The following RBFOX1 variants were observed in gnomAD, a reference collection of about 807,000 sequenced individuals.
RBFOX1 encodes RNA binding fox-1 homolog 1.
Under a neutral mutation model 57.7 loss-of-function variants are expected in RBFOX1, and 8 were observed. The ratio of observed to expected loss-of-function variants is 0.14; its 90% CI spans 0.08 to 0.25. The LOEUF is 0.25. Among genes scored for constraint, RBFOX1 ranks in the 10% least tolerant of loss-of-function variants. The pLI is 1.00. For synonymous variants in RBFOX1, 326 were observed against 222.4 expected (o/e 1.47, Z -4.15); for missense variants, 611 against 548.5 (o/e 1.11, Z -1.14).
At chr16:6,979,138 C>T (rs1305620346) in intron 3 of RBFOX1, among the ~76,000 whole-genome samples, 1 of 152,132 alleles carries the variant, frequency 6.6e-6, no homozygotes, top group Non-Finnish European at 1.5e-5. Context: ...AAAAATCAGA[C>T]CTGAATTCAA....
chr16:6,399,853 C>T (rs1282094572), intron 2 of RBFOX1, among the ~76,000 whole-genome samples: 2 of 152,216 alleles, frequency 1.3e-5, no homozygotes, highest in Non-Finnish European at 2.9e-5. Flanking sequence ...GAAGACACCT[C>T]TTCACAGGGC....
At chr16:6,101,825 C>A (rs1465055844) in intron 1 of RBFOX1, among the ~76,000 whole-genome samples, 1 of 152,194 alleles carries the variant, frequency 6.6e-6, no homozygotes, top group African/African-American at 2.4e-5. Context: ...CACATATCCA[C>A]AGCTGCCCTT....
At chr16:7,131,581 T>G (rs1254116954) in intron 4 of RBFOX1, among the ~76,000 whole-genome samples, 1 of 151,740 alleles carries the variant, frequency 6.6e-6, no homozygotes, top group Admixed American at 6.6e-5. Context: ...CATGTTCATT[T>G]GACTCTGAAC....
intron 4 of RBFOX1, among the ~76,000 whole-genome samples, chr16:7,400,228 C>T (rs1234187553): frequency 1.3e-5 from 2 of 152,244 alleles, no homozygotes; most frequent in South Asian, 2.1e-4. Flanking sequence ...GTTAAAATTG[C>T]ACCTTCCCCA....
chr16:6,406,831 A>T (rs2093297779), intron 2 of RBFOX1, among the ~76,000 whole-genome samples: 1 of 152,122 alleles, frequency 6.6e-6, no homozygotes, highest in Admixed American at 6.6e-5. Flanking sequence ...AGACCAACTG[A>T]TGTTAGAAAT....
chr16:7,371,687 T>C (rs2097569185), intron 4 of RBFOX1, among the ~76,000 whole-genome samples: 1 of 152,030 alleles, frequency 6.6e-6, no homozygotes, highest in African/African-American at 2.4e-5. Context: ...GGGGCGGAGG[T>C]TGCAGTGAGC....
intron 3 of RBFOX1, among the ~76,000 whole-genome samples, chr16:7,030,176 G>T (rs985054959): frequency 5.3e-5 from 8 of 152,182 alleles, no homozygotes; most frequent in Non-Finnish European, 8.8e-5. Flanking sequence ...TCTGAGATAT[G>T]TCCTGATGGC....
chr16:6,392,105 C>A (rs2092630806), intron 2 of RBFOX1, among the ~76,000 whole-genome samples: 1 of 152,100 alleles, frequency 6.6e-6, no homozygotes, highest in African/African-American at 2.4e-5. Context: ...AAAATTATGC[C>A]CAGAGTGACT....
chr16:7,555,098 G>A (rs1338655211), intron 5 of RBFOX1, among the ~76,000 whole-genome samples: 3 of 152,102 alleles, frequency 2.0e-5, no homozygotes, highest in Admixed American at 2.0e-4. Flanking sequence ...AGGGTAAGGG[G>A]GGGTTTTTAG....
chr16:5,866,206 T>C (rs560138993), intron 3 of RBFOX1, among the ~76,000 whole-genome samples: 1 of 152,336 alleles, frequency 6.6e-6, no homozygotes, highest in East Asian at 1.9e-4. Flanking sequence ...TGACCTCACA[T>C]GATCCACCTA....
rs141422762 is a variant in RBFOX1, at chr16:6,903,548, A to G, written c.-15-148509A>G. On this transcript the variant is annotated intron_variant, in intron 3 of 15. Transcript: ENST00000550418. Reference sequence around the variant, plus strand: ...GCACTTCAATAGGATGTGAGCTCGGAGTGAGTTCCAGAAAGGTGCCCCGCA... The same window carrying G: ...GCACTTCAATAGGATGTGAGCTCGGGGTGAGTTCCAGAAAGGTGCCCCGCA... 9.5e-3 allele frequency among the ~76,000 whole-genome samples: 1,454 copies of G among 152,308 alleles called. 9 individuals carry two copies. The highest frequency in any genetic ancestry group is 0.015 in the Non-Finnish European group (1,017 of 68,030).
intron 4 of RBFOX1, among the ~76,000 whole-genome samples, chr16:7,091,234 A>G (rs748158581): frequency 1.3e-5 from 2 of 151,426 alleles, no homozygotes; most frequent in Non-Finnish European, 2.9e-5. Flanking sequence ...TTTTACTTTA[A>G]GTTAAAATAC....
chr16:5,398,319 G>A (rs555285979), intron 1 of RBFOX1, among the ~76,000 whole-genome samples: 6 of 152,186 alleles, frequency 3.9e-5, no homozygotes, highest in South Asian at 4.2e-4. Flanking sequence ...ATGTGTGCTC[G>A]TGTGCATATG....
At chr16:7,070,318 T>C (rs1398199062) in intron 4 of RBFOX1, among the ~76,000 whole-genome samples, 2 of 152,222 alleles carry the variant, frequency 1.3e-5, no homozygotes, top group East Asian at 3.9e-4. Flanking sequence ...TTTAACAATA[T>C]AGATGCTTTC....
intron 4 of RBFOX1, among the ~76,000 whole-genome samples, chr16:7,055,427 C>T (rs369305949): frequency 2.0e-5 from 3 of 152,274 alleles, no homozygotes; most frequent in African/African-American, 4.8e-5. Context: ...GGTATCAGGG[C>T]AGTGGTTTGC....
At chr16:5,826,789 C>T in intron 3 of RBFOX1, among the ~76,000 whole-genome samples, 1 of 152,106 alleles carries the variant, frequency 6.6e-6, no homozygotes, top group East Asian at 1.9e-4. Context: ...TTTATAATTC[C>T]AAATATATTA....
chr16:6,992,886 A>G (rs1254431392), intron 3 of RBFOX1, among the ~76,000 whole-genome samples: 13 of 150,106 alleles, frequency 8.7e-5, no homozygotes. Context: ...TTCAGTGCCC[A>G]CCGCCCAAGC....
intron 1 of RBFOX1, among the ~76,000 whole-genome samples, chr16:6,231,365 C>G (rs549947627): frequency 6.6e-5 from 10 of 152,060 alleles, no homozygotes; most frequent in Non-Finnish European, 1.5e-4. Flanking sequence ...TGATGAGACT[C>G]TCTAGCTCTT....
At chr16:7,256,835 G>C (rs1479708421) in intron 4 of RBFOX1, among the ~76,000 whole-genome samples, 2 of 152,192 alleles carry the variant, frequency 1.3e-5, no homozygotes, top group South Asian at 2.1e-4. Flanking sequence ...ACACATCTTT[G>C]CCTTTGTGGA....
Sources: allele counts gnomAD v4.1 joint callset (sites outside exome capture counted in the v4.1 genomes callset), GRCh38; gene constraint gnomAD v4.1.1; transcripts MANE v1.5; gene names NCBI Gene and HGNC (gene_info 2026-07-23, HGNC 2026-07-21).